Variants in SULT6B1 observed in about 807,000 individuals in gnomAD.
The protein encoded by SULT6B1 is sulfotransferase 6B1.
A neutral mutation model predicts 37.2 loss-of-function variants in SULT6B1; 44 were observed. The ratio of observed to expected loss-of-function variants is 1.18; its 90% CI spans 0.93 to 1.52. The LOEUF is 1.52. Among genes scored for constraint, SULT6B1 ranks in the 40% most tolerant of loss-of-function variants. SULT6B1 has a pLI of 0.00. For missense variants in SULT6B1, 450 were observed against 361.0 expected (o/e 1.25, Z -2.00); for synonymous variants, 140 against 126.0 (o/e 1.11, Z -0.74).
At chr2:37,171,413 C>G in intron 6 of SULT6B1, 21 bp downstream of exon 6, 1 of 1,607,470 alleles carries the variant, frequency 6.2e-7, no homozygotes, top group East Asian at 2.2e-5. Flanking sequence ...ATAACAATCC[C>G]AGAAACCAAT....
At chr2:37,194,570 A>C in intron 1 of SULT6B1, 1 of 371,794 alleles carries the variant, frequency 2.7e-6, no homozygotes, top group South Asian at 2.2e-5. Context: ...TGGAGTTCCC[A>C]TCTCCTTCAT....
intron 5 of SULT6B1, among the ~76,000 whole-genome samples, chr2:37,174,227 CTTTTTT>C (rs35100458): frequency 6.2e-4 from 36 of 58,482 alleles, no homozygotes; most frequent in Admixed American, 2.0e-3. Flanking sequence ...TCTTCCTATT[CTTTTTT>C]TTTTTTTTTT....
chr2:37,185,913 G>A (rs1159339368), intron 2 of SULT6B1, among the ~76,000 whole-genome samples: 6 of 151,986 alleles, frequency 3.9e-5, no homozygotes, highest in East Asian at 1.9e-4. Context: ...TCCATCCTAC[G>A]TTCCTGGGCC....
chr2:37,169,667 A>T (rs1676253528), intron 6 of SULT6B1, among the ~76,000 whole-genome samples: 1 of 151,894 alleles, frequency 6.6e-6, no homozygotes, highest in African/African-American at 2.4e-5. Context: ...GCTAATTTTT[A>T]TATTTTTGGT....
At chr2:37,190,588 A>G (rs1676761368), upstream of SULT6B1, among the ~76,000 whole-genome samples, 1 of 152,212 alleles carries the variant, frequency 6.6e-6, no homozygotes, top group Non-Finnish European at 1.5e-5. Context: ...AGTGGCTTCT[A>G]GAAGACGAGA....
At chr2:37,172,586 C>T (rs895850886) in intron 5 of SULT6B1, among the ~76,000 whole-genome samples, 52 of 152,218 alleles carry the variant, frequency 3.4e-4, no homozygotes, top group Middle Eastern at 3.4e-3. Flanking sequence ...CGGCTCACTG[C>T]AACCTCCACC....
In SULT6B1 at chr2:37,188,491, G is replaced by C. The variant is rs1676719921; in HGVS notation, c.150C>G (p.Thr50=). Residue 50 remains threonine (T), a synonymous_variant, in exon 1 of 7, where the codon ACC becomes ACG. Transcript: ENST00000535679. Reference sequence around the variant, plus strand: ...CGATGTCATCATGTCTGGCTTCGAAGGTGTCCAGCGCTTGGAAAGTTTCTG... The same window carrying C: ...CGATGTCATCATGTCTGGCTTCGAACGTGTCCAGCGCTTGGAAAGTTTCTG... The part of the protein sequence containing the change: ...CTSETFQALD[T]FEARHDDIVL... The C allele has an allele frequency of 6.2e-7, 1 of 1,614,160 alleles. No homozygotes were observed. The highest frequency in any genetic ancestry group is 8.5e-7 in the Non-Finnish European group (1 of 1,180,010).
At chr2:37,194,631 C>T in intron 1 of SULT6B1, 1 of 337,160 alleles carries the variant, frequency 3.0e-6, no homozygotes. Flanking sequence ...CTTCTTGAAG[C>T]CCACTCTGTG....
rs199640716 is a variant in SULT6B1 at position 37,188,523 on chromosome 2, A to C, written c.118T>G (p.Cys40Gly). The C allele has an allele frequency of 8.7e-6, 14 of 1,614,208 alleles. No individual in the cohort carries two copies. In the East Asian group the frequency reaches 3.1e-4, roughly 36 times the overall value. The part of the protein sequence containing the change: ...YQGIPYPITM[C>G]TSETFQALDT... Reference sequence around the variant, plus strand: ...AGCGCTTGGAAAGTTTCTGAGGTGCACATGGTGATGGGGTAAGGAATCCCC... The same window carrying C: ...AGCGCTTGGAAAGTTTCTGAGGTGCCCATGGTGATGGGGTAAGGAATCCCC... Residue 40 changes from cysteine to glycine, a missense_variant, in exon 1 of 7, where the codon TGC (cysteine) becomes GGC (glycine). Transcript: ENST00000535679.
intron 1 of SULT6B1, among the ~76,000 whole-genome samples, 162 bp from the exon 2 acceptor site, chr2:37,187,629 T>C (rs528899896): frequency 6.6e-6 from 1 of 152,316 alleles, no homozygotes; most frequent in South Asian, 2.1e-4. Context: ...TGGAAAGAAA[T>C]GGTTTGATTG....
intron 2 of SULT6B1, among the ~76,000 whole-genome samples, chr2:37,185,944 CA>C (rs1676664554): frequency 6.6e-6 from 1 of 152,112 alleles, no homozygotes. Context: ...GAGCCTTCAT[CA>C]GGTTGGCTTT....
chr2:37,185,717 C>CAAAAAAAAAAAAAA (rs200087048), intron 2 of SULT6B1, among the ~76,000 whole-genome samples: 2 of 83,372 alleles, frequency 2.4e-5, no homozygotes, highest in Non-Finnish European at 2.5e-5. Flanking sequence ...GACTCCATTT[C>CAAAAAAAAAAAAAA]AAAAAAAAAA....
chr2:37,188,676 T>A (rs767551907), upstream of SULT6B1: 1 of 755,318 alleles, frequency 1.3e-6, no homozygotes. Flanking sequence ...TCTGTGGCTG[T>A]TCAGGGGGAG....
rs770024749 is a variant in SULT6B1, at chr2:37,183,465, T to C, written c.362A>G (p.Tyr121Cys). The change falls in exon 3 of 7, where the codon TAT becomes TGT. Residue 121 changes from tyrosine to cysteine, a missense_variant. Tyr to Cys is a radical substitution (Grantham distance 194, BLOSUM62 -2). Coordinates refer to ENST00000535679, the MANE Select transcript of SULT6B1 (RefSeq NM_001367551.1). ...SPRILATHLHYDKLPGSIFEN... is the reference protein window; with the variant it reads ...SPRILATHLHCDKLPGSIFEN... ...GAAGATAGACCCAGGTAATTTGTCA[T>C]AGTGGAGGTGAGTTGCCAAAATCCT... The C allele has an allele frequency of 1.2e-6, 2 of 1,614,196 alleles. No homozygotes were observed. Among genetic ancestry groups the C allele is most frequent in the Non-Finnish European group, 1.7e-6 (2 of 1,179,998 alleles).
At position 37,171,509 on chromosome 2, in the gene SULT6B1, G is replaced by A. The variant is rs768316037; in HGVS notation, c.706C>T (p.Gln236Ter). The change falls in exon 6 of 7, where the codon CAG becomes TAG. Residue 236 changes from glutamine to a stop codon, truncating the protein, a stop_gained. Coordinates refer to ENST00000535679, the MANE Select transcript of SULT6B1 (RefSeq NM_001367551.1). LOFTEE classifies it high-confidence loss of function. ...GCACGCATGGCTTGGAAGGTGCTCT[G>A]GACTGAGATAGTTTGAATTTGCTCC... ...TGEQIQTISV[Q>*]STFQAMRAKS... 14 of 1,614,160 alleles carry A rather than the reference G, an allele frequency of 8.7e-6. No homozygotes were observed. Among genetic ancestry groups the A allele is most frequent in the Non-Finnish European group, 1.1e-5 (13 of 1,180,022 alleles).
At chr2:37,194,350 G>C (rs1262692147) in intron 1 of SULT6B1, 2 of 312,420 alleles carry the variant, frequency 6.4e-6, no homozygotes, top group Non-Finnish European at 1.2e-5. Flanking sequence ...AAAGTGCTGG[G>C]GTTACAGGCA....
intron 5 of SULT6B1, 52 bp downstream of exon 5, chr2:37,175,080 T>C: frequency 1.9e-6 from 2 of 1,073,860 alleles, no homozygotes; most frequent in Non-Finnish European, 2.7e-6. Flanking sequence ...GTAAGTGCTC[T>C]ACGTTGTAGT....
intron 3 of SULT6B1, among the ~76,000 whole-genome samples, chr2:37,182,622 C>A (rs1012627792): frequency 1.3e-5 from 2 of 152,068 alleles, no homozygotes; most frequent in African/African-American, 4.8e-5. Context: ...AGTCACCGCA[C>A]CCTGCAGGGA....
At chr2:37,168,169 A>G (rs1676220041) in intron 6 of SULT6B1, 104 bp from the exon 7 acceptor site, 1 of 1,182,770 alleles carries the variant, frequency 8.5e-7, no homozygotes, top group South Asian at 1.8e-5. Flanking sequence ...TAAAATGGAC[A>G]CATGGAAAAA....
Sources: gnomAD v4.1 joint callset for allele counts (sites outside exome capture counted in the v4.1 genomes callset) on GRCh38, gnomAD v4.1.1 for gene constraint, MANE v1.5 for transcripts, NCBI Gene and HGNC (gene_info 2026-07-23, HGNC 2026-07-21) for gene names.